The following CD99L2 variants were observed in gnomAD, a reference collection of about 807,000 sequenced individuals.
CD99L2 encodes CD99 antigen-like protein 2.
CD99L2 carries 24 observed loss-of-function variants against 27.3 expected under a neutral mutation model. The ratio of observed to expected loss-of-function variants is 0.88; its 90% CI spans 0.64 to 1.24. The LOEUF is 1.24. CD99L2 is among the 50% of genes most tolerant of loss of function. The pLI is 0.00. For missense variants in CD99L2, 255 were observed against 221.6 expected, an observed-to-expected ratio of 1.15 and a Z score of -0.96; for synonymous variants, 97 against 87.9, an observed-to-expected ratio of 1.10 and a Z score of -0.58.
At chrX:150,889,190 C>T (rs1172626688) in intron 1 of CD99L2, among the ~76,000 whole-genome samples, 2 of 112,694 alleles carry the variant, frequency 1.8e-5, no homozygotes, top group African/African-American at 6.4e-5. Context: ...CTCTGTTTCA[C>T]CCACAGTGCC....
At chrX:150,787,439 A>G (rs967608151) in intron 7 of CD99L2, among the ~76,000 whole-genome samples, 1 of 111,319 alleles carries the variant, frequency 9.0e-6, no homozygotes, top group African/African-American at 3.3e-5. Flanking sequence ...AATCTTCTGC[A>G]TATGGCCAGC....
At chrX:150,772,320 A>G (rs1011476166) in intron 9 of CD99L2, among the ~76,000 whole-genome samples, 6 of 112,645 alleles carry the variant, frequency 5.3e-5, no homozygotes, top group Admixed American at 4.6e-4. Context: ...ATCCCGCCCC[A>G]TGAGCACCAG....
At chrX:150,790,675 A>G (rs1433451860) in intron 7 of CD99L2, among the ~76,000 whole-genome samples, 1 of 111,638 alleles carries the variant, frequency 9.0e-6, no homozygotes, top group African/African-American at 3.3e-5. Context: ...AATGACGGGT[A>G]GTAGGAGCTA....
At chrX:150,851,312 A>G (rs782057257) in intron 1 of CD99L2, among the ~76,000 whole-genome samples, 15 of 112,023 alleles carry the variant, frequency 1.3e-4, no homozygotes, top group Non-Finnish European at 2.6e-4. Context: ...GACAACATCC[A>G]CTTATTGAGG....
chrX:150,767,907 C>T lies in CD99L2; in HGVS notation c.*1127G>A, dbSNP rs906506345. ...AACATTCCAGGAAACCAGCTCTGCT[C>T]CAGCCCAAACCAGGCAGCTCCACGC... On this transcript the variant is annotated 3_prime_UTR_variant, in exon 11 of 11. Coordinates refer to ENST00000370377, the MANE Select transcript of CD99L2 (RefSeq NM_031462.4). 2.7e-5 allele frequency: 3 copies of T among 111,815 alleles called. No homozygotes were observed. Among genetic ancestry groups the T allele is most frequent in the Non-Finnish European group, 5.7e-5 (3 of 53,091 alleles). 9.2% of individuals were successfully genotyped at this position (111,815 alleles called of 1,213,427 possible).
At chrX:150,798,129 G>GGAAA (rs1208795271) in intron 4 of CD99L2, among the ~76,000 whole-genome samples, 3 of 47,347 alleles carry the variant, frequency 6.3e-5, no homozygotes, top group Non-Finnish European at 1.1e-4. Context: ...GAGGGAGGGA[G>GGAAA]GAAAGGAAGG....
intron 1 of CD99L2, among the ~76,000 whole-genome samples, chrX:150,885,572 G>A (rs2047396591): frequency 8.9e-6 from 1 of 112,025 alleles, no homozygotes; most frequent in East Asian, 2.8e-4. Context: ...CCTAGGTAAC[G>A]AGGTTTGTGT....
At chrX:150,898,222 G>A (rs1453339067) in intron 1 of CD99L2, among the ~76,000 whole-genome samples, 2 of 112,059 alleles carry the variant, frequency 1.8e-5, no homozygotes, top group African/African-American at 6.5e-5. Flanking sequence ...CTTGGGGACA[G>A]CTGTTGTCAC....
At chrX:150,776,386 A>G (rs1557419262) in intron 8 of CD99L2, 93 bp from the exon 9 acceptor site, 1 of 1,016,043 alleles carries the variant, frequency 9.8e-7, no homozygotes, top group African/African-American at 1.9e-5. Flanking sequence ...CTCTAGCACC[A>G]AACTACTAGA....
At chrX:150,862,072 T>C (rs1336717644) in intron 1 of CD99L2, among the ~76,000 whole-genome samples, 3 of 111,951 alleles carry the variant, frequency 2.7e-5, no homozygotes, top group African/African-American at 6.5e-5. Context: ...TGAGCAATAA[T>C]GGTAGTTGTC....
At chrX:150,781,660 G>A (rs950469122) in intron 7 of CD99L2, among the ~76,000 whole-genome samples, 6 of 112,120 alleles carry the variant, frequency 5.4e-5, no homozygotes, top group Non-Finnish European at 1.1e-4. Flanking sequence ...ATGCATATAA[G>A]TAGCTGTATG....
Position 150,797,352 on chromosome X carries a change from G to T in CD99L2, c.278-1866C>A, listed in dbSNP as rs2045813492. On this transcript the variant is annotated intron_variant, in intron 4 of 10. Coordinates refer to ENST00000370377, the MANE Select transcript of CD99L2 (RefSeq NM_031462.4). ...TTGTAACCATTAAAAGAATAATAAT[G>T]GAATAATATGAACATTTTTTAGCTC... is the stretch of plus-strand genomic sequence containing the variant. Among the ~76,000 whole-genome samples the T allele has an allele frequency of 3.6e-5, 4 of 112,083 alleles. No individual in the cohort carries two copies. The South Asian group carries it at 1.5e-3, about 41-fold the overall frequency.
intron 7 of CD99L2, 115 bp from the exon 8 acceptor site, chrX:150,777,597 AC>A: frequency 1.3e-6 from 1 of 755,490 alleles, no homozygotes; most frequent in Non-Finnish European, 1.9e-6. Context: ...ATGCGACAAG[AC>A]CCCCACCAGT....
rs2046206510 is a variant in CD99L2, at chrX:150,818,959, C to T, written c.131-2881G>A. The T allele has an allele frequency of 8.9e-6, 3 of 336,175 alleles. 1 individual carries two copies. The highest frequency in any genetic ancestry group is 8.0e-5 in the African/African-American group (3 of 37,503). 27.7% of individuals were successfully genotyped at this position (336,175 alleles called of 1,213,427 possible). A position where few individuals can be genotyped will look rare whatever the true frequency, so the allele number is the denominator to read the frequency against. On this transcript the variant is annotated intron_variant, in intron 2 of 10. Coordinates refer to ENST00000370377, the MANE Select transcript of CD99L2 (RefSeq NM_031462.4). ...GTGCTAGGGTGGGGACTTCACATGC[C>T]ATAATAGTAATGGTGGCAAATCTAA...
At chrX:150,828,536 CAA>C (rs1557420982) in intron 2 of CD99L2, 1 of 111,296 alleles carries the variant, frequency 9.0e-6, no homozygotes, top group African/African-American at 3.3e-5. Context: ...ATATATAATA[CAA>C]AGAGATCTTA....
intron 1 of CD99L2, among the ~76,000 whole-genome samples, chrX:150,866,529 T>G (rs2047063594): frequency 9.1e-6 from 1 of 110,031 alleles, no homozygotes. Context: ...GGACAGGAGT[T>G]CAAGAACAGC....
At chrX:150,773,296 G>A (rs1446768992) in intron 9 of CD99L2, among the ~76,000 whole-genome samples, 1 of 113,129 alleles carries the variant, frequency 8.8e-6, no homozygotes, top group Admixed American at 9.3e-5. Flanking sequence ...GCCCTTGCCA[G>A]GCCGAGTTAC....
At chrX:150,799,087 AAG>A (rs2045860911) in intron 4 of CD99L2, among the ~76,000 whole-genome samples, 1 of 112,539 alleles carries the variant, frequency 8.9e-6, no homozygotes, top group African/African-American at 3.2e-5. Context: ...GGACAATATC[AAG>A]AGAGTAAAAA....
At chrX:150,786,777 T>C (rs113789666) in intron 7 of CD99L2, among the ~76,000 whole-genome samples, 407 of 112,411 alleles carry the variant, frequency 3.6e-3, no homozygotes, top group African/African-American at 0.011. Flanking sequence ...TTTTAAGTTC[T>C]TTGAGAAATC....
Sources: allele counts gnomAD v4.1 joint callset (sites outside exome capture counted in the v4.1 genomes callset), GRCh38; gene constraint gnomAD v4.1.1; transcripts MANE v1.5; gene names NCBI Gene and HGNC (gene_info 2026-07-23, HGNC 2026-07-21).